Variants in SYNDIG1 observed in about 807,000 individuals in gnomAD.
SYNDIG1 encodes synapse differentiation-inducing gene protein 1.
A neutral mutation model predicts 19.4 loss-of-function variants in SYNDIG1; 9 were observed. The ratio of observed to expected loss-of-function variants is 0.46; its 90% CI spans 0.28 to 0.81. The LOEUF is 0.81. SYNDIG1 is among the 30% of genes least tolerant of loss of function. The pLI, the probability that SYNDIG1 is intolerant of heterozygous loss-of-function variation, is 0.12. For synonymous variants in SYNDIG1, 141 were observed against 145.9 expected (o/e 0.97, Z 0.24); for missense variants, 311 against 343.3 (o/e 0.91, Z 0.74).
intron 1 of SYNDIG1, among the ~76,000 whole-genome samples, chr20:24,471,163 C>G (rs558384715): frequency 2.0e-5 from 3 of 152,184 alleles, no homozygotes; most frequent in Admixed American, 2.0e-4. Flanking sequence ...TCATAGCCCC[C>G]AGAGCCGGCC....
chr20:24,554,685 G>C (rs2057775772), intron 2 of SYNDIG1, among the ~76,000 whole-genome samples: 1 of 151,936 alleles, frequency 6.6e-6, no homozygotes, highest in Admixed American at 6.6e-5. Context: ...GCTTTTTGAT[G>C]TGCTGCTGGA....
chr20:24,485,516 T>C (rs530285506), intron 1 of SYNDIG1, among the ~76,000 whole-genome samples: 2 of 152,366 alleles, frequency 1.3e-5, no homozygotes, highest in South Asian at 2.1e-4. Flanking sequence ...CTTGTAGATC[T>C]AGTGACTTCT....
chr20:24,535,245 G>A (rs990202963), intron 1 of SYNDIG1, among the ~76,000 whole-genome samples: 1 of 152,216 alleles, frequency 6.6e-6, no homozygotes, highest in Admixed American at 6.5e-5. Context: ...ACACCTCCTG[G>A]TGAGAGCATA....
intron 2 of SYNDIG1, among the ~76,000 whole-genome samples, chr20:24,583,019 C>T (rs894511759): frequency 3.9e-5 from 6 of 152,236 alleles, no homozygotes; most frequent in Non-Finnish European, 8.8e-5. Context: ...CCACCTGGGA[C>T]GTCCTTATTG....
chr20:24,493,484 T>A (rs2056214726), intron 1 of SYNDIG1, among the ~76,000 whole-genome samples: 1 of 152,228 alleles, frequency 6.6e-6, no homozygotes, highest in African/African-American at 2.4e-5. Flanking sequence ...CACACACACA[T>A]CCACATGCAC....
At chr20:24,628,280 A>G (rs1462452309) in intron 3 of SYNDIG1, among the ~76,000 whole-genome samples, 2 of 152,094 alleles carry the variant, frequency 1.3e-5, no homozygotes, top group African/African-American at 4.8e-5. Context: ...AGGGAGTACC[A>G]GGGGAGCCCC....
chr20:24,474,025 A>G (rs2059216095), intron 1 of SYNDIG1, among the ~76,000 whole-genome samples: 1 of 152,238 alleles, frequency 6.6e-6, no homozygotes, highest in South Asian at 2.1e-4. Flanking sequence ...CTTGGGGTGG[A>G]TGGATACATG....
intron 2 of SYNDIG1, among the ~76,000 whole-genome samples, chr20:24,550,601 C>T (rs1437628052): frequency 6.6e-6 from 1 of 151,752 alleles, no homozygotes; most frequent in Admixed American, 6.6e-5. Flanking sequence ...CTCTGCCTCC[C>T]GGGTTCACAC....
intron 1 of SYNDIG1, among the ~76,000 whole-genome samples, chr20:24,477,107 C>T (rs1004159617): frequency 1.3e-5 from 2 of 152,328 alleles, no homozygotes; most frequent in Middle Eastern, 3.4e-3. Flanking sequence ...TGCTAGACCT[C>T]GAGTTTCTGA....
intron 2 of SYNDIG1, among the ~76,000 whole-genome samples, chr20:24,579,424 A>G (rs1305224098): frequency 6.6e-6 from 1 of 152,216 alleles, no homozygotes; most frequent in Non-Finnish European, 1.5e-5. Context: ...GATCAGGCAA[A>G]AAAACTCTGG....
Position 24,631,934 on chromosome 20 carries a change from C to T in SYNDIG1, c.619-33412C>T, listed in dbSNP as rs185006256. Among the ~76,000 whole-genome samples, 57 of 152,274 alleles carry T rather than the reference C, an allele frequency of 3.7e-4. 1 individual carries two copies. Among genetic ancestry groups the T allele is most frequent in the Admixed American group, 2.8e-3 (43 of 15,306 alleles). ...TTGGTGACTTCTGAAACCAAGGACC[C>T]AACATTTTGATAAGAGCTTAGATTG... On this transcript the variant is annotated intron_variant, in intron 3 of 3. Transcript: ENST00000376862.
chr20:24,504,838 A>T (rs997571998), intron 1 of SYNDIG1, among the ~76,000 whole-genome samples: 3 of 152,194 alleles, frequency 2.0e-5, no homozygotes, highest in African/African-American at 7.2e-5. Flanking sequence ...GAATTCCTGC[A>T]GAGCTGTCAC....
intron 2 of SYNDIG1, among the ~76,000 whole-genome samples, chr20:24,546,170 C>G (rs1034543201): frequency 6.6e-6 from 1 of 152,202 alleles, no homozygotes; most frequent in African/African-American, 2.4e-5. Context: ...AACATTCTTA[C>G]AGTATAGCTA....
At chr20:24,581,587 C>T (rs2058323820) in intron 2 of SYNDIG1, among the ~76,000 whole-genome samples, 2 of 152,070 alleles carry the variant, frequency 1.3e-5, no homozygotes, top group Non-Finnish European at 2.9e-5. Context: ...TCTGACACCC[C>T]CGAAGCCACA....
chr20:24,638,381 G>T (rs1249654483), intron 3 of SYNDIG1, among the ~76,000 whole-genome samples: 1 of 152,088 alleles, frequency 6.6e-6, no homozygotes, highest in Non-Finnish European at 1.5e-5. Context: ...TCTCCAGAGG[G>T]TCTCACTCTG....
intron 3 of SYNDIG1, among the ~76,000 whole-genome samples, chr20:24,632,087 G>A (rs954778259): frequency 1.3e-5 from 2 of 152,170 alleles, no homozygotes; most frequent in Non-Finnish European, 2.9e-5. Context: ...ACCAGAACTA[G>A]ACTCATTCAT....
chr20:24,549,398 AT>A (rs899297264), intron 2 of SYNDIG1, among the ~76,000 whole-genome samples: 3 of 152,118 alleles, frequency 2.0e-5, no homozygotes, highest in South Asian at 4.2e-4. Context: ...TAATTTCATT[AT>A]TTTTTTATGG....
intron 2 of SYNDIG1, among the ~76,000 whole-genome samples, chr20:24,557,845 G>A (rs2146851337): frequency 6.6e-6 from 1 of 152,258 alleles, no homozygotes; most frequent in East Asian, 1.9e-4. Context: ...AAGCTCAGAT[G>A]GAAATGCAGA....
intron 3 of SYNDIG1, among the ~76,000 whole-genome samples, chr20:24,654,656 GGA>G (rs2059506123): frequency 8.8e-5 from 12 of 136,996 alleles, no homozygotes; most frequent in African/African-American, 1.5e-4. Context: ...GAGGGAGGAA[GGA>G]AGGAAGGAAG....
Sources: gnomAD v4.1 joint callset for allele counts (sites outside exome capture counted in the v4.1 genomes callset) on GRCh38, gnomAD v4.1.1 for gene constraint, MANE v1.5 for transcripts, NCBI Gene and HGNC (gene_info 2026-07-23, HGNC 2026-07-21) for gene names.